CHL1: variants seen among roughly 807,000 people sequenced by gnomAD.
The protein encoded by CHL1 is neural cell adhesion molecule L1-like protein.
In CHL1, 96 loss-of-function variants were observed where a neutral mutation model predicts 141.9. The observed-to-expected ratio is 0.68, with a 90% CI of 0.57 to 0.80. The LOEUF (loss-of-function observed/expected upper bound fraction) is 0.80, where lower values mean the gene tolerates loss of function less well. CHL1 is among the 30% of genes least tolerant of loss of function. CHL1 has a pLI of 0.00. For missense variants in CHL1, 1,820 were observed against 1,457.2 expected, an observed-to-expected ratio of 1.25 and a Z score of -4.05; for synonymous variants, 613 against 502.2, an observed-to-expected ratio of 1.22 and a Z score of -2.95.
chr3:282,821 T>C (rs1248965784), intron 2 of CHL1: 1 of 152,266 alleles, frequency 6.6e-6, no homozygotes, highest in African/African-American at 2.4e-5. Context: ...GCAATAGAAA[T>C]GAGGAAGACT....
At chr3:228,424 G>C (rs568924196) in intron 1 of CHL1, among the ~76,000 whole-genome samples, 4 of 151,986 alleles carry the variant, frequency 2.6e-5, no homozygotes, top group Non-Finnish European at 4.4e-5. Flanking sequence ...GTGTTCAAGG[G>C]GATCCCTGCA....
At chr3:215,520 A>T (rs1700242726) in intron 1 of CHL1, among the ~76,000 whole-genome samples, 1 of 152,214 alleles carries the variant, frequency 6.6e-6, no homozygotes, top group Non-Finnish European at 1.5e-5. Flanking sequence ...ACAGTATTAT[A>T]GTTTGTATTT....
In CHL1 at chr3:389,238, GC is replaced by G. The variant is rs1408939270; in HGVS notation, c.2248-12del. On this transcript the variant is annotated splice_polypyrimidine_tract_variant and intron_variant, in intron 19 of 27. Transcript: ENST00000256509. ...TCTGTGATCAGACTAAATGAGTCTT[GC>G]CTTCTGTTTTAGCCTTTGAAATCCA... is the stretch of plus-strand genomic sequence containing the variant. 3.8e-6 allele frequency: 6 copies of G among 1,579,100 alleles called. No homozygotes were observed. In the East Asian group the frequency reaches 1.1e-4, roughly 30 times the overall value.
At chr3:224,632 A>G (rs910388528) in intron 1 of CHL1, among the ~76,000 whole-genome samples, 1 of 152,144 alleles carries the variant, frequency 6.6e-6, no homozygotes, top group Non-Finnish European at 1.5e-5. Flanking sequence ...CCCAGAAGCC[A>G]AGCAGATGCC....
At chr3:386,428 C>T (rs73015003) in intron 19 of CHL1, among the ~76,000 whole-genome samples, 20,306 of 152,088 alleles carry the variant, frequency 0.13, 1,777 homozygotes, top group East Asian at 0.32. Flanking sequence ...TATATTAAGT[C>T]GGTCATGACT....
intron 2 of CHL1, among the ~76,000 whole-genome samples, chr3:308,371 G>A (rs1699432335): frequency 6.6e-6 from 1 of 151,970 alleles, no homozygotes; most frequent in African/African-American, 2.4e-5. Context: ...ATGTAGACAA[G>A]GCAGGTACAA....
rs138372970 is a variant in CHL1 at position 362,045 on chromosome 3, A to G, written c.1418+235A>G. ...TACAGAGAGCCACTTGTGTTCATAA[A>G]GAAAAGCAGAGAATTGAAGAGATTA... On this transcript the variant is annotated intron_variant, in intron 13 of 27. Transcript: ENST00000256509. Among the ~76,000 whole-genome samples, 629 of 152,334 alleles carry G rather than the reference A, an allele frequency of 4.1e-3. 1 individual carries two copies. Among genetic ancestry groups the G allele is most frequent in the African/African-American group, 0.014 (603 of 41,592 alleles).
At chr3:386,375 C>G (rs929471961) in intron 19 of CHL1, among the ~76,000 whole-genome samples, 2 of 152,150 alleles carry the variant, frequency 1.3e-5, no homozygotes, top group Non-Finnish European at 2.9e-5. Flanking sequence ...AATGGTAGAA[C>G]TAGGCTTTTT....
At position 382,731 on chromosome 3, in the gene CHL1, ATCT is replaced by A; in HGVS notation, c.2176+61_2176+63del. On this transcript the variant is annotated intron_variant, in intron 18 of 27. Transcript: ENST00000256509. ...TATTTGTTTGTCCCCATCTTTGAACATCTAAAAAAAAAAGATTGATAGAGTAAT... is the reference window on the plus strand; with the variant it reads ...TATTTGTTTGTCCCCATCTTTGAACAAAAAAAAAAAGATTGATAGAGTAAT... The A allele has an allele frequency of 2.8e-6, 4 of 1,417,984 alleles. No individual in the cohort carries two copies. In the Admixed American group the frequency reaches 5.2e-5, roughly 19 times the overall value. The allele number at this position is 1,417,984 out of a possible 1,614,324, so 87.8% of individuals were successfully genotyped here. A position where few individuals can be genotyped will look rare whatever the true frequency, so the allele number is the denominator to read the frequency against.
intron 5 of CHL1, among the ~76,000 whole-genome samples, chr3:340,219 T>G (rs866147357): frequency 5.9e-5 from 9 of 152,200 alleles, no homozygotes; most frequent in South Asian, 2.1e-4. Context: ...TTTAAATTTT[T>G]ATTTAATGGG....
chr3:242,537 A>T (rs992363148), intron 1 of CHL1, among the ~76,000 whole-genome samples: 6 of 152,094 alleles, frequency 3.9e-5, no homozygotes, highest in Admixed American at 1.3e-4. Flanking sequence ...CAGAGCTTGC[A>T]GTGAGCCGAG....
At chr3:403,166 A>G in intron 27 of CHL1, among the ~76,000 whole-genome samples, 1 of 152,188 alleles carries the variant, frequency 6.6e-6, no homozygotes, top group South Asian at 2.1e-4. Context: ...GCCAGAGGTC[A>G]TTCCTAACTC....
At chr3:270,222 A>G (rs1334725776) in intron 2 of CHL1, among the ~76,000 whole-genome samples, 3 of 144,208 alleles carry the variant, frequency 2.1e-5, no homozygotes, top group Non-Finnish European at 3.1e-5. Context: ...GGCATGGGAA[A>G]GGAGAATTTG....
At chr3:296,771 C>T (rs374243815) in intron 2 of CHL1, among the ~76,000 whole-genome samples, 25 of 152,262 alleles carry the variant, frequency 1.6e-4, no homozygotes, top group African/African-American at 5.3e-4. Context: ...ATAAACAAAA[C>T]ACTGTAAGGG....
chr3:294,622 A>C (rs994723634), intron 2 of CHL1, among the ~76,000 whole-genome samples: 1 of 148,536 alleles, frequency 6.7e-6, no homozygotes, highest in African/African-American at 2.5e-5. Flanking sequence ...GTCATTCACT[A>C]AACCCTTCTA....
At chr3:386,888 G>T (rs187334533) in intron 19 of CHL1, among the ~76,000 whole-genome samples, 1 of 152,068 alleles carries the variant, frequency 6.6e-6, no homozygotes, top group Non-Finnish European at 1.5e-5. Context: ...TGAGAGACTA[G>T]GTTTTAAGTG....
intron 1 of CHL1, among the ~76,000 whole-genome samples, chr3:225,777 A>G (rs1701267839): frequency 6.6e-6 from 1 of 152,096 alleles, no homozygotes; most frequent in Admixed American, 6.5e-5. Context: ...TGGGAGGCTG[A>G]GGTGGGCAGA....
intron 26 of CHL1, among the ~76,000 whole-genome samples, chr3:400,220 C>T (rs867629191): frequency 6.6e-6 from 1 of 152,152 alleles, no homozygotes; most frequent in Non-Finnish European, 1.5e-5. Context: ...GGGAACCCGT[C>T]ATCTACATAG....
At chr3:288,656 G>C (rs1333116693) in intron 2 of CHL1, among the ~76,000 whole-genome samples, 2 of 152,126 alleles carry the variant, frequency 1.3e-5, no homozygotes, top group African/African-American at 4.8e-5. Context: ...ACCTCTACTG[G>C]TCAAGGATCT....
Sources: allele counts gnomAD v4.1 joint callset (sites outside exome capture counted in the v4.1 genomes callset), GRCh38; gene constraint gnomAD v4.1.1; transcripts MANE v1.5; gene names NCBI Gene and HGNC (gene_info 2026-07-23, HGNC 2026-07-21).